Variants in PCDHAC1 observed in about 807,000 individuals in gnomAD.
The protein encoded by PCDHAC1 is protocadherin alpha-C1.
In PCDHAC1, 42 loss-of-function variants were observed where a neutral mutation model predicts 60.0. The ratio of observed to expected loss-of-function variants is 0.70; its 90% CI spans 0.55 to 0.90. The LOEUF is 0.90. PCDHAC1 is among the 40% of genes least tolerant of loss of function. PCDHAC1 has a pLI of 0.00. For missense variants in PCDHAC1, 1,160 were observed against 1,222.3 expected, an observed-to-expected ratio of 0.95 and a Z score of 0.76; for synonymous variants, 468 against 499.3, an observed-to-expected ratio of 0.94 and a Z score of 0.84.
chr5:140,969,826 A>G (rs782339572), intron 1 of PCDHAC1, among the ~76,000 whole-genome samples: 24 of 152,344 alleles, frequency 1.6e-4, no homozygotes, highest in Middle Eastern at 3.4e-3. Flanking sequence ...TGGACTGTCT[A>G]CAGTGGAAAT....
intron 1 of PCDHAC1, among the ~76,000 whole-genome samples, chr5:140,933,146 C>G (rs1554209206): frequency 1.3e-5 from 2 of 151,920 alleles, no homozygotes. Context: ...GATAGCCACT[C>G]ATTTTGTTCC....
chr5:141,008,786 T>C (rs2098390952), intron 3 of PCDHAC1, among the ~76,000 whole-genome samples: 1 of 152,212 alleles, frequency 6.6e-6, no homozygotes, highest in South Asian at 2.1e-4. Context: ...TGGCTCCCAG[T>C]GTTTTATCTA....
In PCDHAC1 at chr5:140,958,926, C is replaced by T. The variant is rs2095452227; in HGVS notation, c.2434-20023C>T. Among the ~76,000 whole-genome samples the T allele has an allele frequency of 2.1e-5, 3 of 143,506 alleles. No individual in the cohort carries two copies. The Admixed American group carries it at 2.1e-4, about 10-fold the overall frequency. The allele number at this position is 143,506 out of a possible 152,430, so 94.1% of individuals were successfully genotyped here. A position where few individuals can be genotyped will look rare whatever the true frequency, so the allele number is the denominator to read the frequency against. Reference sequence around the variant, plus strand: ...AGAAAAGTCTGCCTGGGTGTGGTGGCTCATACTTGTAATAATATTATATTA... The same window carrying T: ...AGAAAAGTCTGCCTGGGTGTGGTGGTTCATACTTGTAATAATATTATATTA... On this transcript the variant is annotated intron_variant, in intron 1 of 3. Transcript: ENST00000253807.
Position 140,928,379 on chromosome 5 carries a change from G to C in PCDHAC1, c.1487G>C (p.Ser496Thr). The change falls in exon 1 of 4, where the codon AGC becomes ACC. Residue 496 changes from serine (S) to threonine (T), a missense_variant. Ser to Thr is a moderately conservative substitution (Grantham distance 58). Around this residue, in one of 3 missense-constraint regions of PCDHAC1, gnomAD observed 1,113 missense variants for 1,163.7 expected, o/e 0.96. Coordinates refer to ENST00000253807, the MANE Select transcript of PCDHAC1 (RefSeq NM_018898.5). ...ATCTCTGAAGGGCCATCAGCCTCTAGCTTGCTGGCAGTGGAATCATCCAGT... is the reference window on the plus strand; with the variant it reads ...ATCTCTGAAGGGCCATCAGCCTCTACCTTGCTGGCAGTGGAATCATCCAGT... ...DVISEGPSAS[S>T]LLAVESSSGA... The C allele has an allele frequency of 6.2e-7, 1 of 1,614,172 alleles. No homozygotes were observed. Among genetic ancestry groups the C allele is most frequent in the Non-Finnish European group, 8.5e-7 (1 of 1,180,028 alleles).
Position 141,002,117 on chromosome 5 carries a change from C to T in PCDHAC1, c.2582-7510C>T, listed in dbSNP as rs74680186. Among the ~76,000 whole-genome samples, 37 of 152,378 alleles carry T rather than the reference C, an allele frequency of 2.4e-4. 1 individual carries two copies. The East Asian group carries it at 6.0e-3, about 25-fold the overall frequency. ...GGGCTGGGCCGGAAACGGCTATAAT[C>T]ATTTAATAGCCTTTGCCGGCTGCAC... On this transcript the variant is annotated intron_variant, in intron 3 of 3. Transcript: ENST00000253807.
intron 1 of PCDHAC1, among the ~76,000 whole-genome samples, chr5:140,951,082 CTTT>C (rs573059224): frequency 6.6e-6 from 1 of 151,404 alleles, no homozygotes; most frequent in African/African-American, 2.4e-5. Flanking sequence ...TTATATTTTC[CTTT>C]TTTTCTGATA....
chr5:140,988,500 C>T (rs1340106461), intron 3 of PCDHAC1, among the ~76,000 whole-genome samples: 1 of 152,116 alleles, frequency 6.6e-6, no homozygotes, highest in Non-Finnish European at 1.5e-5. Flanking sequence ...TAGGAGAAGC[C>T]ATGAAGCTTA....
chr5:140,962,512 AATAAT>A (rs2095688598), intron 1 of PCDHAC1, among the ~76,000 whole-genome samples: 1 of 152,184 alleles, frequency 6.6e-6, no homozygotes, highest in Admixed American at 6.5e-5. Flanking sequence ...GCCAACTATC[AATAAT>A]ATATTAGTTT....
chr5:140,995,794 CAT>C (rs1407600046), intron 3 of PCDHAC1, among the ~76,000 whole-genome samples: 65 of 152,208 alleles, frequency 4.3e-4, no homozygotes, highest in African/African-American at 1.5e-3. Flanking sequence ...AAATTTGTCT[CAT>C]GTTAGTTTCT....
At chr5:140,969,228 G>A in intron 1 of PCDHAC1, 1 of 1,614,176 alleles carries the variant, frequency 6.2e-7, no homozygotes, top group Non-Finnish European at 8.5e-7. Flanking sequence ...GGGCCTTCGG[G>A]AGCCCAAGCA....
At chr5:140,967,803 C>T (rs1042188546) in intron 1 of PCDHAC1, 3 of 1,614,066 alleles carry the variant, frequency 1.9e-6, no homozygotes, top group Admixed American at 3.3e-5. Flanking sequence ...GTGCCCATGG[C>T]AGGTCACTGC....
chr5:140,936,435 TTAAA>T (rs1554210994), intron 1 of PCDHAC1, among the ~76,000 whole-genome samples: 2 of 152,222 alleles, frequency 1.3e-5, no homozygotes, highest in African/African-American at 4.8e-5. Flanking sequence ...TAATTTAAGC[TTAAA>T]TAACCACATC....
At chr5:140,985,974 C>T (rs562510809) in intron 3 of PCDHAC1, among the ~76,000 whole-genome samples, 3 of 152,198 alleles carry the variant, frequency 2.0e-5, no homozygotes, top group Admixed American at 1.3e-4. Context: ...CTCCTGACCT[C>T]GTGATCCGCC....
intron 3 of PCDHAC1, among the ~76,000 whole-genome samples, chr5:141,000,552 C>T (rs2097946627): frequency 1.3e-5 from 2 of 149,102 alleles, no homozygotes; most frequent in Admixed American, 1.3e-4. Context: ...CTCAAACTCC[C>T]GAGTAGCTGG....
intron 3 of PCDHAC1, among the ~76,000 whole-genome samples, chr5:140,998,973 G>A (rs572810777): frequency 1.3e-5 from 2 of 152,352 alleles, no homozygotes; most frequent in African/African-American, 2.4e-5. Flanking sequence ...TAGTATCCTA[G>A]AAAATAGTAG....
At chr5:140,933,458 C>G (rs1040429377) in intron 1 of PCDHAC1, among the ~76,000 whole-genome samples, 2 of 151,968 alleles carry the variant, frequency 1.3e-5, no homozygotes, top group Non-Finnish European at 2.9e-5. Flanking sequence ...TCAAAATATA[C>G]TCTGAATTCA....
chr5:141,010,293 G>T lies in PCDHAC1; in HGVS notation c.*356G>T. 6.5e-7 allele frequency: 1 copy of T among 1,549,794 alleles called. No homozygotes were observed. Among genetic ancestry groups the T allele is most frequent in the Non-Finnish European group, 8.7e-7 (1 of 1,146,454 alleles). On this transcript the variant is annotated 3_prime_UTR_variant, in exon 4 of 4. Coordinates refer to ENST00000253807, the MANE Select transcript of PCDHAC1 (RefSeq NM_018898.5). ...ATCCTGTCTTGATGACACTTGCAGG[G>T]CAGGCTGAAAAGTTTTGAGATTGAG...
chr5:141,000,389 CTCTCTCTATATATA>C (rs1429861640), intron 3 of PCDHAC1, among the ~76,000 whole-genome samples: 15 of 62,586 alleles, frequency 2.4e-4, no homozygotes, highest in African/African-American at 9.8e-4. Flanking sequence ...CTCTCTCTCT[CTCTCTCTATATATA>C]TATATATATA....
At chr5:141,004,362 C>T (rs1357216048) in intron 3 of PCDHAC1, among the ~76,000 whole-genome samples, 1 of 152,186 alleles carries the variant, frequency 6.6e-6, no homozygotes, top group Non-Finnish European at 1.5e-5. Flanking sequence ...AGAGACCACA[C>T]CTTGTTCTGC....
Sources: gnomAD v4.1 joint callset for allele counts (sites outside exome capture counted in the v4.1 genomes callset) on GRCh38, gnomAD v4.1.1 for gene constraint, gnomAD v4.1.1 regional missense constraint, MANE v1.5 for transcripts, NCBI Gene and HGNC (gene_info 2026-07-23, HGNC 2026-07-21) for gene names.